The following PCDHGB1 variants were observed in gnomAD, a reference collection of about 807,000 sequenced individuals.
The protein encoded by PCDHGB1 is protocadherin gamma subfamily B, 1.
A neutral mutation model predicts 56.6 loss-of-function variants in PCDHGB1; 34 were observed. The observed-to-expected ratio is 0.60, with a 90% CI of 0.46 to 0.80. The LOEUF is 0.80. Among genes scored for constraint, PCDHGB1 ranks in the 30% least tolerant of loss-of-function variants. The pLI, the probability that PCDHGB1 is intolerant of heterozygous loss-of-function variation, is 0.00. For synonymous variants in PCDHGB1, 561 were observed against 505.9 expected (o/e 1.11, Z -1.46); for missense variants, 1,278 against 1,204.6 (o/e 1.06, Z -0.90).
At position 141,408,870 on chromosome 5, in the gene PCDHGB1, G is replaced by C. The variant is rs780987841; in HGVS notation, c.2409+56201G>C. ...TTGGACGGAGGGGACCCACCAAGAAGTGCCACCGCTCACATAGAAATTTCT... is the reference window on the plus strand; with the variant it reads ...TTGGACGGAGGGGACCCACCAAGAACTGCCACCGCTCACATAGAAATTTCT... On this transcript the variant is annotated intron_variant, in intron 1 of 3. Coordinates refer to ENST00000523390, the MANE Select transcript of PCDHGB1 (RefSeq NM_018922.3). The C allele has an allele frequency of 1.2e-6, 2 of 1,613,656 alleles. No homozygotes were observed. Among genetic ancestry groups the C allele is most frequent in the South Asian group, 1.1e-5 (1 of 91,026 alleles).
At chr5:141,369,953 C>T (rs1473621246) in intron 1 of PCDHGB1, among the ~76,000 whole-genome samples, 1 of 152,124 alleles carries the variant, frequency 6.6e-6, no homozygotes, top group Non-Finnish European at 1.5e-5. Context: ...ATTATCTCTG[C>T]CCTTTGACAA....
chr5:141,399,755 G>C (rs1420211451), intron 1 of PCDHGB1: 1 of 1,613,232 alleles, frequency 6.2e-7, no homozygotes, highest in Non-Finnish European at 8.5e-7. Context: ...GCAAACGTGA[G>C]CCTGCGCGTG....
At chr5:141,478,395 T>C in intron 1 of PCDHGB1, 1 of 1,613,510 alleles carries the variant, frequency 6.2e-7, no homozygotes, top group Non-Finnish European at 8.5e-7. Flanking sequence ...TACCATCAGG[T>C]GTATCTCACC....
rs1778279940 is a variant in PCDHGB1, at chr5:141,382,546, G to A, written c.2409+29877G>A. Among the ~76,000 whole-genome samples the A allele has an allele frequency of 5.3e-5, 8 of 152,162 alleles. No homozygotes were observed. In the South Asian group the frequency reaches 1.4e-3, roughly 28 times the overall value. The stretch of plus-strand genomic sequence containing the variant: ...TCTTAAAATGGATTTTTAATTATCA[G>A]GGATATCTAGAGCAAAGAAATCTAA... On this transcript the variant is annotated intron_variant, in intron 1 of 3. Coordinates refer to ENST00000523390, the MANE Select transcript of PCDHGB1 (RefSeq NM_018922.3).
At position 141,490,490 on chromosome 5, in the gene PCDHGB1, C is replaced by T; in HGVS notation, c.2410-4317C>T. 1 of 1,614,184 alleles carries T rather than the reference C, an allele frequency of 6.2e-7. No homozygotes were observed. The highest frequency in any genetic ancestry group is 8.5e-7 in the Non-Finnish European group (1 of 1,180,028). The stretch of plus-strand genomic sequence containing the variant: ...AGCCAGCCTTTGGACCGGGAGGCCA[C>T]ATCCCACTATATCATCGAGCTGCTG... On this transcript the variant is annotated intron_variant, in intron 1 of 3. Coordinates refer to ENST00000523390, the MANE Select transcript of PCDHGB1 (RefSeq NM_018922.3). The surrounding 1 kb of genome is among the most constrained non-coding windows in gnomAD (Gnocchi z 5.4).
At chr5:141,376,069 G>T (rs897737501) in intron 1 of PCDHGB1, 13 of 1,613,452 alleles carry the variant, frequency 8.1e-6, no homozygotes, top group Non-Finnish European at 1.0e-5. Flanking sequence ...CGCTCACCGT[G>T]GCCGTGGCCG....
At chr5:141,392,505 T>G (rs1271878225) in intron 1 of PCDHGB1, 1 of 227,850 alleles carries the variant, frequency 4.4e-6, no homozygotes, top group African/African-American at 2.3e-5. Flanking sequence ...ATGATTTTTT[T>G]TTCTCAGTAA....
At chr5:141,403,614 G>A (rs772617526) in intron 1 of PCDHGB1, 4 of 1,613,750 alleles carry the variant, frequency 2.5e-6, no homozygotes, top group Non-Finnish European at 3.4e-6. Flanking sequence ...GGCGAGCCGC[G>A]TCGCTCCAGC....
intron 1 of PCDHGB1, chr5:141,370,488 C>T (rs758506114): frequency 1.2e-6 from 2 of 1,613,906 alleles, no homozygotes; most frequent in Admixed American, 3.3e-5. Flanking sequence ...TCTCTCCGAA[C>T]CGATCCGCTA....
chr5:141,376,859 T>C, intron 1 of PCDHGB1: 1 of 231,414 alleles, frequency 4.3e-6, no homozygotes, highest in South Asian at 6.4e-5. Context: ...GCTAATTTTT[T>C]TGTATTTTTA....
chr5:141,410,671 C>G (rs771368781), intron 1 of PCDHGB1: 1 of 1,563,260 alleles, frequency 6.4e-7, no homozygotes, highest in South Asian at 1.2e-5. Context: ...ACTAGTTTCT[C>G]ATATTTTAGG....
rs951185891 is a variant in PCDHGB1, at chr5:141,494,814, C to T, written c.2417C>T (p.Pro806Leu). 7 of 1,614,152 alleles carry T rather than the reference C, an allele frequency of 4.3e-6. No individual in the cohort carries two copies. The highest frequency in any genetic ancestry group is 1.7e-5 in the Admixed American group (1 of 60,024). Residue 806 changes from proline to leucine, a missense_variant, in exon 2 of 4, where the codon CCG becomes CTG. By Grantham distance (98) the Pro-to-Leu change is moderately conservative (BLOSUM62 -3). Transcript: ENST00000523390. The part of the protein sequence containing the change: ...YDPSLSSHQA[P>L]PNTDWRFSQA... ...CCTCTGTTTTCTCCACAGCAAGCCCCGCCCAACACGGACTGGCGTTTCTCT... is the reference window on the plus strand; with the variant it reads ...CCTCTGTTTTCTCCACAGCAAGCCCTGCCCAACACGGACTGGCGTTTCTCT...
At position 141,493,906 on chromosome 5, in the gene PCDHGB1, G is replaced by A. The variant is rs2099750764; in HGVS notation, c.2410-901G>A. ...CTCTAGGAGTGCTCCATGAGAGTGT[G>A]TGATGGGATAACACACCCCCTGGAA... is the stretch of plus-strand genomic sequence containing the variant. On this transcript the variant is annotated intron_variant, in intron 1 of 3. Transcript: ENST00000523390. The surrounding 1 kb of genome is among the most constrained non-coding windows in gnomAD (Gnocchi z 4.3). Among the ~76,000 whole-genome samples the A allele has an allele frequency of 6.6e-6, 1 of 152,200 alleles. No individual in the cohort carries two copies. Among genetic ancestry groups the A allele is most frequent in the Non-Finnish European group, 1.5e-5 (1 of 68,032 alleles).
Position 141,486,046 on chromosome 5 carries a change from C to G in PCDHGB1, c.2410-8761C>G. 1.2e-6 allele frequency: 2 copies of G among 1,614,170 alleles called. No individual in the cohort carries two copies. Among genetic ancestry groups the G allele is most frequent in the Non-Finnish European group, 1.7e-6 (2 of 1,180,036 alleles). The stretch of plus-strand genomic sequence containing the variant: ...GTCATACCCCTGATCGTGTAAGAAA[C>G]CTCTTTAGCCTGCACCCCACTACTG... On this transcript the variant is annotated intron_variant, in intron 1 of 3. Coordinates refer to ENST00000523390, the MANE Select transcript of PCDHGB1 (RefSeq NM_018922.3). This position sits in a 1 kb window ranked among gnomAD's most constrained non-coding sequence, Gnocchi z 5.0.
intron 1 of PCDHGB1, among the ~76,000 whole-genome samples, chr5:141,455,243 A>G (rs945218710): frequency 1.3e-5 from 2 of 152,146 alleles, no homozygotes; most frequent in Non-Finnish European, 2.9e-5. Flanking sequence ...GTTAAAGGTC[A>G]TAGTACAATC....
At chr5:141,409,243 AATC>A in intron 1 of PCDHGB1, 1 of 1,614,032 alleles carries the variant, frequency 6.2e-7, no homozygotes, top group South Asian at 1.1e-5. Context: ...GCCCAGAAAT[AATC>A]ATCACTTCTC....
chr5:141,353,378 T>G (rs1759264179), intron 1 of PCDHGB1, among the ~76,000 whole-genome samples: 2 of 152,228 alleles, frequency 1.3e-5, no homozygotes, highest in Admixed American at 1.3e-4. Context: ...AATTATGTAT[T>G]AATGTAATTA....
intron 1 of PCDHGB1, among the ~76,000 whole-genome samples, chr5:141,456,955 T>A (rs1352654794): frequency 2.6e-5 from 4 of 151,974 alleles, no homozygotes; most frequent in African/African-American, 7.3e-5. Flanking sequence ...AGAGCAAAAC[T>A]CCATCTCAAA....
intron 1 of PCDHGB1, among the ~76,000 whole-genome samples, chr5:141,433,653 T>C (rs1030084681): frequency 6.6e-6 from 1 of 152,024 alleles, no homozygotes; most frequent in Non-Finnish European, 1.5e-5. Flanking sequence ...CTGACCAACA[T>C]GGAGAAACCC....
Sources: gnomAD v4.1 joint callset for allele counts (sites outside exome capture counted in the v4.1 genomes callset) on GRCh38, gnomAD v4.1.1 for gene constraint, Gnocchi (gnomAD v3.1) non-coding constraint, MANE v1.5 for transcripts, NCBI Gene and HGNC (gene_info 2026-07-23, HGNC 2026-07-21) for gene names.